The following CACNA1C variants were observed in gnomAD, a reference collection of about 807,000 sequenced individuals.
CACNA1C encodes calcium voltage-gated channel subunit alpha1 C, also known as voltage-dependent L-type calcium channel subunit alpha-1C.
A neutral mutation model predicts 229.0 loss-of-function variants in CACNA1C; 30 were observed. The observed-to-expected ratio is 0.13, with a 90% CI of 0.10 to 0.18. CACNA1C has a LOEUF of 0.18. Among genes scored for constraint, CACNA1C ranks in the 10% least tolerant of loss-of-function variants. CACNA1C has a pLI of 1.00. For missense variants in CACNA1C, 1,658 were observed against 2,845.0 expected (o/e 0.58, Z 9.49); for synonymous variants, 1,114 against 1,132.5 (o/e 0.98, Z 0.33).
intron 1 of CACNA1C, among the ~76,000 whole-genome samples, chr12:2,111,009 T>C (rs2081493015): frequency 6.6e-6 from 1 of 151,714 alleles, no homozygotes; most frequent in African/African-American, 2.4e-5. Flanking sequence ...AGGCCATACC[T>C]GTCTGTCTCA....
At chr12:2,345,692 G>T (rs1212563971) in intron 3 of CACNA1C, among the ~76,000 whole-genome samples, 3 of 152,104 alleles carry the variant, frequency 2.0e-5, no homozygotes, top group Admixed American at 6.5e-5. Context: ...TATGCAAATC[G>T]CCTGTTACTG....
At chr12:2,550,058 G>A in intron 10 of CACNA1C, 25 bp downstream of exon 10, 1 of 1,508,988 alleles carries the variant, frequency 6.6e-7, no homozygotes, top group Non-Finnish European at 9.1e-7. Context: ...CGAGCCCAGG[G>A]GCTGGGGCTT....
chr12:2,138,011 A>T (rs557470648), intron 3 of CACNA1C, among the ~76,000 whole-genome samples: 1 of 151,684 alleles, frequency 6.6e-6, no homozygotes, highest in Admixed American at 6.6e-5. Context: ...GAACTCTGGC[A>T]CAGCGAGTGT....
intron 3 of CACNA1C, among the ~76,000 whole-genome samples, chr12:2,277,773 C>T (rs1477304862): frequency 6.6e-6 from 1 of 152,206 alleles, no homozygotes; most frequent in African/African-American, 2.4e-5. Flanking sequence ...ATCTCCCTCC[C>T]ACCATAACCG....
chr12:2,608,733 G>A lies in CACNA1C; in HGVS notation c.3558+21G>A, dbSNP rs374663386. On this transcript the variant is annotated intron_variant, in intron 27 of 46. Transcript: ENST00000399655. The surrounding 1 kb of genome is among the most constrained non-coding windows in gnomAD (Gnocchi z 4.2). ...ACCAGGTAGCTTCCTAGGAAGGAGCGGAGGGAAGCGGGGCCCACGGAGGGA... is the reference window on the plus strand; with the variant it reads ...ACCAGGTAGCTTCCTAGGAAGGAGCAGAGGGAAGCGGGGCCCACGGAGGGA... The A allele has an allele frequency of 1.5e-5, 24 of 1,611,920 alleles. No homozygotes were observed. The highest frequency in any genetic ancestry group is 8.9e-5 in the East Asian group (4 of 44,828).
At position 2,651,230 on chromosome 12, in the gene CACNA1C, A is replaced by G. The variant is rs989998814; in HGVS notation, c.3946-410A>G. The stretch of plus-strand genomic sequence containing the variant: ...AGGACACAGGACTGTCTGCCCAGAC[A>G]AACGGGAGACAGGCTAGGACTGCTT... On this transcript the variant is annotated intron_variant, in intron 31 of 46. Transcript: ENST00000399655. This position sits in a 1 kb window ranked among gnomAD's most constrained non-coding sequence, Gnocchi z 5.4. 38 of 208,290 alleles carry G rather than the reference A, an allele frequency of 1.8e-4. No individual in the cohort carries two copies. The highest frequency in any genetic ancestry group is 7.3e-4 in the African/African-American group (32 of 43,922). The allele number at this position is 208,290 out of a possible 1,614,324, so 12.9% of individuals were successfully genotyped here. A position where few individuals can be genotyped will look rare whatever the true frequency, so the allele number is the denominator to read the frequency against.
rs546710932 is a variant in CACNA1C at position 2,401,081 on chromosome 12, T to C, written c.478-47895T>C. ...CCTCCCTTCAGTCTCTCCCAGCTCC[T>C]GCCCACAGCCTTCTCAGAATAACTG... On this transcript the variant is annotated intron_variant, in intron 3 of 46. Transcript: ENST00000399655. Among the ~76,000 whole-genome samples, 121 of 152,326 alleles carry C rather than the reference T, an allele frequency of 7.9e-4. 1 individual carries two copies. The highest frequency in any genetic ancestry group is 1.3e-4 in the Non-Finnish European group (9 of 68,020).
intron 3 of CACNA1C, among the ~76,000 whole-genome samples, chr12:2,371,507 C>G (rs150624443): frequency 1.4e-4 from 21 of 152,140 alleles, no homozygotes; most frequent in African/African-American, 4.8e-4. Flanking sequence ...GTTTCTGATT[C>G]CGCAGGTCTC....
chr12:2,446,567 G>GTGGGTGAATGGATGGATGGATGAA (rs1567726960), intron 3 of CACNA1C, among the ~76,000 whole-genome samples: 1 of 150,916 alleles, frequency 6.6e-6, no homozygotes, highest in East Asian at 2.0e-4. Context: ...TGGTGCATAG[G>GTGGGTGAATGGATGGATGGATGAA]TGGGTGAATG....
chr12:2,422,671 G>T (rs570901827), intron 3 of CACNA1C, among the ~76,000 whole-genome samples: 1 of 152,160 alleles, frequency 6.6e-6, no homozygotes, highest in Non-Finnish European at 1.5e-5. Flanking sequence ...GTGCTAACTC[G>T]TGTGGCCAGT....
intron 3 of CACNA1C, among the ~76,000 whole-genome samples, chr12:2,247,758 T>C (rs1429873270): frequency 6.6e-6 from 1 of 152,252 alleles, no homozygotes; most frequent in African/African-American, 2.4e-5. Flanking sequence ...CGAGCCTCTT[T>C]GTGCTTCCTC....
At chr12:2,188,954 G>A (rs558542096) in intron 3 of CACNA1C, among the ~76,000 whole-genome samples, 17 of 152,084 alleles carry the variant, frequency 1.1e-4, no homozygotes, top group African/African-American at 4.1e-4. Context: ...TTAGCCGGCC[G>A]TGGTGGCGGG....
Position 2,664,829 on chromosome 12 carries a change from G to T in CACNA1C, c.4237G>T (p.Ala1413Ser). The stretch of plus-strand genomic sequence containing the variant: ...GTGGCTCTCCCTCCCCTCCAGGTGT[G>T]CCACCGGGGAGGCCTGGCAGGACAT... ...PQAVLLLFRCATGEAWQDIML... is the reference protein window; with the variant it reads ...PQAVLLLFRCSTGEAWQDIML... The change falls in exon 35 of 47, where the codon GCC (alanine) becomes TCC (serine). Residue 1413 changes from alanine (A) to serine (S), a missense_variant. Ala to Ser is a moderately conservative substitution (Grantham distance 99). This residue lies in a region of CACNA1C where 151 missense variants were observed against 344.4 expected (regional missense o/e 0.44). Coordinates refer to ENST00000399655, the MANE Select transcript of CACNA1C (RefSeq NM_000719.7). 6.3e-7 allele frequency: 1 copy of T among 1,586,502 alleles called. No homozygotes were observed. The highest frequency in any genetic ancestry group is 1.1e-5 in the South Asian group (1 of 87,954).
chr12:2,099,012 A>G (rs2283279), intron 1 of CACNA1C, among the ~76,000 whole-genome samples: 95,638 of 152,020 alleles, frequency 0.63, 30,310 homozygotes, highest in Non-Finnish European at 0.66. Context: ...TGCTGAAGCC[A>G]CGTGGCTGTG....
In CACNA1C at chr12:2,018,802, T is replaced by A. The variant is rs186921324; in HGVS notation, c.139+47601T>A. Among the ~76,000 whole-genome samples, 99 of 152,312 alleles carry A rather than the reference T, an allele frequency of 6.5e-4. 1 individual carries two copies. The highest frequency in any genetic ancestry group is 6.5e-4 in the Admixed American group (10 of 15,304). ...TATAGTACTGTGCTCAAAATTTACA[T>A]GTGAGTAGAATGATCGTGATGAAAC... On this transcript the variant is annotated intron_variant, in intron 1 of 46. Transcript: ENST00000682462.
chr12:2,156,045 C>G (rs922400491), intron 3 of CACNA1C, among the ~76,000 whole-genome samples: 2 of 152,018 alleles, frequency 1.3e-5, no homozygotes, highest in African/African-American at 4.8e-5. Flanking sequence ...TCTGACAGAC[C>G]TAAGGTTGAG....
At chr12:2,094,154 C>G (rs183815723) in intron 1 of CACNA1C, among the ~76,000 whole-genome samples, 5 of 152,302 alleles carry the variant, frequency 3.3e-5, no homozygotes, top group Non-Finnish European at 7.4e-5. Context: ...GCCTGGTATT[C>G]AAGGGAAATG....
chr12:2,363,191 C>T (rs2154531620), intron 3 of CACNA1C, among the ~76,000 whole-genome samples: 1 of 152,280 alleles, frequency 6.6e-6, no homozygotes, highest in East Asian at 1.9e-4. Flanking sequence ...CTGACCATAG[C>T]ATTGTCTGCT....
intron 3 of CACNA1C, among the ~76,000 whole-genome samples, chr12:2,442,560 C>T (rs1424641777): frequency 6.6e-6 from 1 of 152,210 alleles, no homozygotes; most frequent in Non-Finnish European, 1.5e-5. Context: ...GAGCAGGGTC[C>T]TCCAGGAGCA....
Sources: gnomAD v4.1 joint callset for allele counts (sites outside exome capture counted in the v4.1 genomes callset) on GRCh38, gnomAD v4.1.1 for gene constraint, gnomAD v4.1.1 regional missense constraint, Gnocchi (gnomAD v3.1) non-coding constraint, MANE v1.5 for transcripts, NCBI Gene and HGNC (gene_info 2026-07-23, HGNC 2026-07-21) for gene names.